The following PCDHA4 variants were observed in gnomAD, a reference collection of about 807,000 sequenced individuals.
PCDHA4 encodes protocadherin alpha-4.
PCDHA4 carries 49 observed loss-of-function variants against 61.4 expected under a neutral mutation model. The ratio of observed to expected loss-of-function variants is 0.80; its 90% confidence interval spans 0.63 to 1.01. PCDHA4 has a LOEUF of 1.01. PCDHA4 is among the 50% of genes least tolerant of loss of function. PCDHA4 has a pLI of 0.00. For missense variants in PCDHA4, 1,254 were observed against 1,235.8 expected (o/e 1.01, Z -0.22); for synonymous variants, 590 against 550.3 (o/e 1.07, Z -1.01).
At chr5:141,004,179 G>A (rs2098156608) in intron 3 of PCDHA4, among the ~76,000 whole-genome samples, 1 of 152,206 alleles carries the variant, frequency 6.6e-6, no homozygotes, top group Non-Finnish European at 1.5e-5. Flanking sequence ...CAAGTGTCTT[G>A]AGTGCTCTTA....
At chr5:140,899,200 T>G (rs1554188457) in intron 1 of PCDHA4, among the ~76,000 whole-genome samples, 2 of 151,512 alleles carry the variant, frequency 1.3e-5, no homozygotes, top group Admixed American at 1.3e-4. Context: ...CCTGCCTAAT[T>G]GCCCTGGCCA....
intron 1 of PCDHA4, chr5:140,856,066 C>A: frequency 6.3e-7 from 1 of 1,589,756 alleles, no homozygotes; most frequent in Non-Finnish European, 8.6e-7. Flanking sequence ...CCAGATGTAG[C>A]TGCCTGGGGG....
In PCDHA4 at chr5:140,842,895, A is replaced by G; in HGVS notation, c.2385+33323A>G. On this transcript the variant is annotated intron_variant, in intron 1 of 3. Coordinates refer to ENST00000530339, the MANE Select transcript of PCDHA4 (RefSeq NM_018907.4). ...GTGTACGCGCTGCAGCCGCTGGACC[A>G]CGAGGAGCTAGAGCTGCTGCAGTTC... 8 of 1,594,156 alleles carry G rather than the reference A, an allele frequency of 5.0e-6. 1 individual carries two copies. Among genetic ancestry groups the G allele is most frequent in the Non-Finnish European group, 6.9e-6 (8 of 1,165,410 alleles).
Position 140,922,562 on chromosome 5 carries a change from T to A in PCDHA4, c.2386-56387T>A, listed in dbSNP as rs2080887973. Among the ~76,000 whole-genome samples, 4 of 152,188 alleles carry A rather than the reference T, an allele frequency of 2.6e-5. No individual in the cohort carries two copies. In the South Asian group the frequency reaches 8.3e-4, roughly 31 times the overall value. ...GGCAAGGTAAGGAGAAAAGTCAGGA[T>A]GACAAGTTGCCCTGTAGCCGCCAGT... On this transcript the variant is annotated intron_variant, in intron 1 of 3. Transcript: ENST00000530339.
intron 1 of PCDHA4, chr5:140,856,033 A>T: frequency 1.3e-6 from 2 of 1,564,122 alleles, no homozygotes; most frequent in Non-Finnish European, 1.7e-6. Flanking sequence ...GATTTGTAAA[A>T]CAAGAGAAGG....
In PCDHA4 at chr5:140,848,329, A is replaced by T. The variant is rs2150408889; in HGVS notation, c.2385+38757A>T. 1.7e-5 allele frequency: 14 copies of T among 818,896 alleles called. 1 individual carries two copies. The highest frequency in any genetic ancestry group is 2.5e-5 in the Non-Finnish European group (13 of 512,110). The allele number at this position is 818,896 out of a possible 1,614,324, so 50.7% of individuals were successfully genotyped here. A position where few individuals can be genotyped will look rare whatever the true frequency, so the allele number is the denominator to read the frequency against. On this transcript the variant is annotated intron_variant, in intron 1 of 3. Transcript: ENST00000530339. The stretch of plus-strand genomic sequence containing the variant: ...ACTCTTTGCCGCGATGTTCTCTCTG[A>T]ATCCAGACAAATACAGCCCTTTTCC...
intron 1 of PCDHA4, among the ~76,000 whole-genome samples, chr5:140,940,147 GT>G (rs1459512201): frequency 6.6e-6 from 1 of 152,082 alleles, no homozygotes; most frequent in African/African-American, 2.4e-5. Flanking sequence ...AACTATTATA[GT>G]TTTTGTTTGC....
At chr5:140,865,342 T>G (rs1437907469) in intron 1 of PCDHA4, 1 of 152,202 alleles carries the variant, frequency 6.6e-6, no homozygotes, top group Non-Finnish European at 1.5e-5. Flanking sequence ...AAAGAAATAG[T>G]ATATTTACAT....
chr5:140,953,901 A>G (rs1354951706), intron 1 of PCDHA4, among the ~76,000 whole-genome samples: 1 of 152,156 alleles, frequency 6.6e-6, no homozygotes, highest in Admixed American at 6.5e-5. Flanking sequence ...TATTAAGCCC[A>G]GCATCCATTA....
chr5:141,006,356 C>T (rs1342790572), intron 3 of PCDHA4, among the ~76,000 whole-genome samples: 4 of 151,920 alleles, frequency 2.6e-5, no homozygotes, highest in South Asian at 2.1e-4. Flanking sequence ...GGACTATAGG[C>T]GCCCACCACC....
intron 1 of PCDHA4, chr5:140,927,019 T>C: frequency 6.2e-7 from 1 of 1,612,660 alleles, no homozygotes; most frequent in Non-Finnish European, 8.5e-7. Flanking sequence ...CTCCGCGGAC[T>C]TGAGGCTGCC....
intron 1 of PCDHA4, among the ~76,000 whole-genome samples, chr5:140,889,484 A>G (rs2062245315): frequency 6.6e-6 from 1 of 152,158 alleles, no homozygotes; most frequent in Admixed American, 6.5e-5. Context: ...TACTTTCTAC[A>G]GAATCTATAG....
In PCDHA4 at chr5:140,857,564, T is replaced by C. The variant is rs1254291079; in HGVS notation, c.2385+47992T>C. 1 of 1,596,742 alleles carries C rather than the reference T, an allele frequency of 6.3e-7. No homozygotes were observed. The highest frequency in any genetic ancestry group is 1.3e-5 in the African/African-American group (1 of 74,340). ...GTTGGGCGAGCGCTCGCTGTCGAGC[T>C]ACGTGTCGGTGCACGCGGAGAGCGG... On this transcript the variant is annotated intron_variant, in intron 1 of 3. Coordinates refer to ENST00000530339, the MANE Select transcript of PCDHA4 (RefSeq NM_018907.4).
At position 140,808,075 on chromosome 5, in the gene PCDHA4, TC is replaced by T; in HGVS notation, c.890del (p.Pro297GlnfsTer8). 6.2e-7 allele frequency: 1 copy of T among 1,614,072 alleles called. No individual in the cohort carries two copies. The highest frequency in any genetic ancestry group is 8.5e-7 in the Non-Finnish European group (1 of 1,179,948). Reference sequence around the variant, plus strand: ...ATGTGAAATCCAAGTTTCACATAGATCCAATTACTGGACAAATTATTGTAAA... The same window carrying T: ...ATGTGAAATCCAAGTTTCACATAGATCAATTACTGGACAAATTATTGTAAA... ...PNVKSKFHID[P>X]ITGQIIVKGY... is the part of the protein sequence containing the mutation. On this transcript the variant is annotated frameshift_variant, in exon 1 of 4. Transcript: ENST00000530339. LOFTEE classifies it high-confidence loss of function.
At chr5:141,005,960 TA>T (rs1322848010) in intron 3 of PCDHA4, among the ~76,000 whole-genome samples, 2 of 151,500 alleles carry the variant, frequency 1.3e-5, no homozygotes, top group Non-Finnish European at 2.9e-5. Context: ...CAAACAACAA[TA>T]AAAAAACAAT....
At chr5:140,850,839 T>A in intron 1 of PCDHA4, 1 of 1,597,606 alleles carries the variant, frequency 6.3e-7, no homozygotes, top group Non-Finnish European at 8.6e-7. Context: ...TTGTGCTGGA[T>A]CTACAGAGCG....
At chr5:140,995,424 A>G (rs868948138) in intron 3 of PCDHA4, among the ~76,000 whole-genome samples, 10 of 152,186 alleles carry the variant, frequency 6.6e-5, no homozygotes, top group South Asian at 2.1e-4. Flanking sequence ...ATTACTCAGA[A>G]CAGCTTGCAA....
chr5:140,989,597 G>A (rs1168398697), intron 3 of PCDHA4, among the ~76,000 whole-genome samples: 1 of 152,144 alleles, frequency 6.6e-6, no homozygotes, highest in Non-Finnish European at 1.5e-5. Flanking sequence ...ACTGACACAA[G>A]TAAACTAAAA....
chr5:140,842,553 G>A (rs144906391), intron 1 of PCDHA4: 24 of 1,453,612 alleles, frequency 1.7e-5, no homozygotes. Flanking sequence ...GTGCTGGACA[G>A]CGCCCTGGAC....
Sources: allele counts gnomAD v4.1 joint callset (sites outside exome capture counted in the v4.1 genomes callset), GRCh38; gene constraint gnomAD v4.1.1; transcripts MANE v1.5; gene names NCBI Gene and HGNC (gene_info 2026-07-23, HGNC 2026-07-21).